IAH1: variants seen among roughly 807,000 people sequenced by gnomAD.
IAH1 encodes isoamyl acetate hydrolyzing esterase 1 (putative).
In IAH1, 24 loss-of-function variants were observed where a neutral mutation model predicts 26.7. The observed-to-expected ratio is 0.90, with a 90% CI of 0.65 to 1.26. The LOEUF is 1.26. Ranked by LOEUF, IAH1 falls within the 50% of genes most tolerant of loss-of-function variation. The probability of loss-of-function intolerance (pLI) is 0.00; values close to 1 mark genes in which losing one functional copy is unlikely to be tolerated. For synonymous variants in IAH1, 140 were observed against 118.5 expected (o/e 1.18, Z -1.18); for missense variants, 300 against 299.9 (o/e 1.00, Z 0.00).
Position 9,488,468 on chromosome 2 carries a change from G to A in IAH1, c.*139G>A, listed in dbSNP as rs1031461631. ...AAGTATTAGATGATTTTTCAGGGAAGTTTTATACTTAGGTCCATTGTGTTT... is the reference window on the plus strand; with the variant it reads ...AAGTATTAGATGATTTTTCAGGGAAATTTTATACTTAGGTCCATTGTGTTT... On this transcript the variant is annotated 3_prime_UTR_variant, in exon 6 of 6. Transcript: ENST00000497473. 1.5e-5 allele frequency: 9 copies of A among 603,006 alleles called. No individual in the cohort carries two copies. The highest frequency in any genetic ancestry group is 2.9e-5 in the South Asian group (1 of 34,202). 37.4% of individuals were successfully genotyped at this position (603,006 alleles called of 1,614,324 possible).
intron 2 of IAH1, 30 bp from the exon 3 acceptor site, chr2:9,478,192 A>G: frequency 6.3e-7 from 1 of 1,584,630 alleles, no homozygotes; most frequent in African/African-American, 1.4e-5. Flanking sequence ...TCTTGCCCAC[A>G]ATTCATCTTT....
In IAH1 at chr2:9,474,950, C is replaced by T; in HGVS notation, c.81+303C>T. ...ACCCGGGTCGAGATGCGCGGTCTTC[C>T]CCTCAGCGCCCTCCTGGGCAGCGGC... On this transcript the variant is annotated intron_variant, in intron 1 of 5. Transcript: ENST00000497473. The surrounding 1 kb of genome is among the most constrained non-coding windows in gnomAD (Gnocchi z 4.3). 7 of 962,712 alleles carry T rather than the reference C, an allele frequency of 7.3e-6. No individual in the cohort carries two copies. Among genetic ancestry groups the T allele is most frequent in the Non-Finnish European group, 8.9e-6 (7 of 783,712 alleles). The allele number at this position is 962,712 out of a possible 1,614,324, so 59.6% of individuals were successfully genotyped here.
At chr2:9,497,399 A>C, downstream of IAH1, 18 of 992,012 alleles carry the variant, frequency 1.8e-5, no homozygotes, top group Non-Finnish European at 2.2e-5. Flanking sequence ...CCTGCATCTC[A>C]CCAGCAATCA....
chr2:9,493,355 C>G (rs991587539), downstream of IAH1, among the ~76,000 whole-genome samples: 7 of 152,024 alleles, frequency 4.6e-5, no homozygotes, highest in Non-Finnish European at 7.4e-5. Context: ...CATGATATAC[C>G]CTGCTTCTGC....
chr2:9,480,500 A>G (rs1372020598), intron 3 of IAH1, among the ~76,000 whole-genome samples: 2 of 152,196 alleles, frequency 1.3e-5, no homozygotes, highest in Non-Finnish European at 2.9e-5. Context: ...CTGTCTCTAA[A>G]ACAATTTGTA....
downstream of IAH1, among the ~76,000 whole-genome samples, chr2:9,500,812 G>C (rs1400182421): frequency 6.6e-6 from 1 of 152,130 alleles, no homozygotes; most frequent in African/African-American, 2.4e-5. Context: ...ACATAGCTTT[G>C]AAATTTTTAA....
downstream of IAH1, chr2:9,493,010 A>C (rs929033186): frequency 4.4e-6 from 7 of 1,573,598 alleles, no homozygotes; most frequent in Non-Finnish European, 6.1e-6. Flanking sequence ...CAAACAGTTA[A>C]TGTCTTGACC....
At chr2:9,479,878 G>A (rs760212158) in intron 3 of IAH1, among the ~76,000 whole-genome samples, 2 of 130,694 alleles carry the variant, frequency 1.5e-5, no homozygotes, top group Non-Finnish European at 3.1e-5. Flanking sequence ...ATACGGTCTC[G>A]GCTCACTGTA....
the IAH1 span, among the ~76,000 whole-genome samples, chr2:9,511,924 T>C: frequency 3.3e-5 from 5 of 152,036 alleles, no homozygotes; most frequent in African/African-American, 1.2e-4. Context: ...TGAGCCGAGA[T>C]AGGCCACTGA....
the IAH1 span, among the ~76,000 whole-genome samples, chr2:9,506,371 T>TG: frequency 6.9e-6 from 1 of 144,748 alleles, no homozygotes. Context: ...TTTTTTTTTT[T>TG]TTTTTTTTTT....
At chr2:9,493,683 C>T (rs1224108322), downstream of IAH1, 5 of 1,430,254 alleles carry the variant, frequency 3.5e-6, no homozygotes, top group African/African-American at 2.8e-5. Context: ...TGAAAGCACA[C>T]TTTTCTAATG....
intron 2 of IAH1, 93 bp downstream of exon 2, chr2:9,476,132 C>T (rs1326444453): frequency 8.9e-7 from 1 of 1,122,760 alleles, no homozygotes; most frequent in East Asian, 2.5e-5. Context: ...ACAGAACATT[C>T]CTCCTTTATT....
At chr2:9,498,213 T>C (rs186489486), downstream of IAH1, among the ~76,000 whole-genome samples, 134 of 152,194 alleles carry the variant, frequency 8.8e-4, no homozygotes, top group Non-Finnish European at 1.5e-3. Context: ...TTCTTTTTTT[T>C]TGAGAGACGA....
intron 3 of IAH1, 103 bp downstream of exon 3, chr2:9,478,473 T>C (rs1009932164): frequency 1.7e-5 from 20 of 1,154,578 alleles, no homozygotes; most frequent in Non-Finnish European, 2.3e-5. Context: ...TTTCTCCCAA[T>C]AGATACAGTT....
chr2:9,480,931 G>A (rs563688099), intron 3 of IAH1: 6 of 178,758 alleles, frequency 3.4e-5, no homozygotes, highest in East Asian at 1.6e-4. Context: ...ATTTATCTGC[G>A]GTTCTGTGGC....
At chr2:9,495,537 A>T (rs1169299556) in intron 6 of IAH1, among the ~76,000 whole-genome samples, 1 of 152,116 alleles carries the variant, frequency 6.6e-6, no homozygotes, top group East Asian at 1.9e-4. Flanking sequence ...ACATGGCAAG[A>T]CCCCATCTCT....
chr2:9,479,614 T>C (rs1053256943), intron 3 of IAH1, among the ~76,000 whole-genome samples: 6 of 152,136 alleles, frequency 3.9e-5, no homozygotes, highest in Non-Finnish European at 7.3e-5. Flanking sequence ...GCAGTAATAC[T>C]TACAGCTGAC....
downstream of IAH1, among the ~76,000 whole-genome samples, chr2:9,499,452 A>G (rs1662865409): frequency 6.6e-6 from 1 of 151,844 alleles, no homozygotes; most frequent in Non-Finnish European, 1.5e-5. Context: ...CCCAGGCTGG[A>G]GTGCAGTGGC....
chr2:9,478,289 A>G lies in IAH1; in HGVS notation c.202A>G (p.Arg68Gly), dbSNP rs776004667. The G allele has an allele frequency of 2.5e-5, 40 of 1,613,230 alleles. No homozygotes were observed. Among genetic ancestry groups the G allele is most frequent in the Non-Finnish European group, 3.0e-5 (35 of 1,179,490 alleles). Residue 68 changes from arginine (R) to glycine (G), a missense_variant, in exon 3 of 6, where the codon AGA becomes GGA. Coordinates refer to ENST00000497473, the MANE Select transcript of IAH1 (RefSeq NM_001039613.3). ...CAGGTGGGCCAAAATTATCCTTCCA[A>G]GATTAATCAGGAAAGGAAACAGTTT... ...NTRWAKIILP[R>G]LIRKGNSLDI...
Sources: gnomAD v4.1 joint callset for allele counts (sites outside exome capture counted in the v4.1 genomes callset) on GRCh38, gnomAD v4.1.1 for gene constraint, Gnocchi (gnomAD v3.1) non-coding constraint, MANE v1.5 for transcripts, NCBI Gene and HGNC (gene_info 2026-07-23, HGNC 2026-07-21) for gene names.